Variants in COL24A1 observed in about 807,000 individuals in gnomAD.
COL24A1 encodes the protein collagen type XXIV alpha 1 chain, also known as collagen alpha-1(XXIV) chain.
COL24A1 carries 224 observed loss-of-function variants against 253.9 expected under a neutral mutation model. The observed-to-expected ratio is 0.88, with a 90% CI of 0.79 to 0.99. The LOEUF (loss-of-function observed/expected upper bound fraction) is 0.99. Ranked by LOEUF, COL24A1 falls within the 50% of genes least tolerant of loss-of-function variation. The probability of loss-of-function intolerance (pLI) is 0.00; values close to 1 mark genes in which losing one functional copy is unlikely to be tolerated. For missense variants in COL24A1, 2,131 were observed against 2,068.5 expected (o/e 1.03, Z -0.59); for synonymous variants, 685 against 673.7 (o/e 1.02, Z -0.26).
rs184513433 is a variant in COL24A1, at chr1:85,775,719, A to T, written c.4339-10T>A. On this transcript the variant is annotated splice_polypyrimidine_tract_variant and intron_variant, in intron 52 of 59. Transcript: ENST00000370571. The stretch of plus-strand genomic sequence containing the variant: ...TTTCACCTCTGGGTCCCTAAAAGAA[A>T]AAAAAAAGATGTTAGTTCATTGTTA... 4 of 1,600,922 alleles carry T rather than the reference A, an allele frequency of 2.5e-6. No individual in the cohort carries two copies. The East Asian group carries it at 6.7e-5, about 27-fold the overall frequency.
chr1:86,036,627 G>C (rs563488273), intron 12 of COL24A1, among the ~76,000 whole-genome samples: 37 of 152,190 alleles, frequency 2.4e-4, no homozygotes, highest in African/African-American at 6.5e-4. Flanking sequence ...TAATACAGGT[G>C]AGGTTCTATA....
At chr1:85,775,939 C>G (rs996915895) in intron 52 of COL24A1, among the ~76,000 whole-genome samples, 3 of 152,126 alleles carry the variant, frequency 2.0e-5, no homozygotes, top group Non-Finnish European at 2.9e-5. Flanking sequence ...CTAGTTCTAA[C>G]CTTAAGGTGA....
intron 59 of COL24A1, among the ~76,000 whole-genome samples, chr1:85,733,630 A>C (rs944052833): frequency 6.6e-6 from 1 of 150,874 alleles, no homozygotes; most frequent in Non-Finnish European, 1.5e-5. Flanking sequence ...CCCAGGCTGG[A>C]GTGCAGTGGC....
chr1:86,016,067 G>A (rs1696963534), intron 19 of COL24A1, among the ~76,000 whole-genome samples: 1 of 151,014 alleles, frequency 6.6e-6, no homozygotes, highest in Non-Finnish European at 1.5e-5. Flanking sequence ...TAGCAACAGG[G>A]TCTCACTATG....
chr1:85,894,416 T>C (rs1318645954), intron 31 of COL24A1, among the ~76,000 whole-genome samples: 21 of 152,188 alleles, frequency 1.4e-4, no homozygotes, highest in Admixed American at 1.3e-3. Flanking sequence ...TATACAGGCA[T>C]ACATTGATGG....
At chr1:85,756,816 T>C (rs191600982) in intron 55 of COL24A1, among the ~76,000 whole-genome samples, 106 of 152,358 alleles carry the variant, frequency 7.0e-4, no homozygotes, top group Admixed American at 2.2e-3. Flanking sequence ...GCAACGTAAG[T>C]GTCCATTTGG....
chr1:86,116,158 T>A (rs1434401540), intron 3 of COL24A1, among the ~76,000 whole-genome samples: 1 of 147,704 alleles, frequency 6.8e-6, no homozygotes, highest in Non-Finnish European at 1.5e-5. Context: ...TTCATTCATC[T>A]GTTCATTCAT....
At chr1:85,767,043 G>T (rs1316646037) in intron 53 of COL24A1, among the ~76,000 whole-genome samples, 3 of 151,958 alleles carry the variant, frequency 2.0e-5, no homozygotes, top group African/African-American at 7.3e-5. Flanking sequence ...GGTGGAGCTT[G>T]CAGTGAGCCA....
At chr1:86,018,917 G>GT (rs1697240750) in intron 18 of COL24A1, among the ~76,000 whole-genome samples, 1 of 152,010 alleles carries the variant, frequency 6.6e-6, no homozygotes, top group Non-Finnish European at 1.5e-5. Context: ...TTCAAGAACT[G>GT]TAACAACTTT....
chr1:86,006,967 T>A (rs1017575277), intron 19 of COL24A1, among the ~76,000 whole-genome samples: 4 of 152,124 alleles, frequency 2.6e-5, no homozygotes, highest in Admixed American at 6.5e-5. Flanking sequence ...ATCCCAGCAC[T>A]TTGGGAGGCC....
chr1:86,006,438 G>A (rs910598435), intron 19 of COL24A1, among the ~76,000 whole-genome samples: 13 of 152,290 alleles, frequency 8.5e-5, no homozygotes, highest in African/African-American at 2.9e-4. Flanking sequence ...AAACGGTGCT[G>A]AAATAACTGG....
intron 19 of COL24A1, among the ~76,000 whole-genome samples, chr1:85,991,088 A>G (rs1251580329): frequency 6.6e-6 from 1 of 152,244 alleles, no homozygotes; most frequent in Non-Finnish European, 1.5e-5. Flanking sequence ...ACCAGACATT[A>G]TGTGCTTCCT....
intron 24 of COL24A1, among the ~76,000 whole-genome samples, chr1:85,957,712 C>T (rs1373616920): frequency 6.6e-6 from 1 of 152,170 alleles, no homozygotes; most frequent in Non-Finnish European, 1.5e-5. Flanking sequence ...ACAGAAGCAT[C>T]CTCATTGGTT....
chr1:85,778,191 C>T (rs938178453), intron 52 of COL24A1, among the ~76,000 whole-genome samples: 1 of 151,986 alleles, frequency 6.6e-6, no homozygotes, highest in Non-Finnish European at 1.5e-5. Context: ...ATAGCCTCAA[C>T]TTCCTCAGAT....
chr1:85,818,506 A>G (rs1377124457), intron 45 of COL24A1, among the ~76,000 whole-genome samples: 1 of 152,192 alleles, frequency 6.6e-6, no homozygotes, highest in Non-Finnish European at 1.5e-5. Flanking sequence ...CCTCCTTACA[A>G]GGCACTTACA....
rs1427017092 is a variant in COL24A1, at chr1:86,148,344, C to A, written c.57-2161G>T. On this transcript the variant is annotated intron_variant, in intron 1 of 59. Transcript: ENST00000370571. ...GAATTACAGGCGCCTGCCACCACACCCGGCTAATTTTTTTTTTATTATACT... is the reference window on the plus strand; with the variant it reads ...GAATTACAGGCGCCTGCCACCACACACGGCTAATTTTTTTTTTATTATACT... Among the ~76,000 whole-genome samples, 4 of 151,952 alleles carry A rather than the reference C, an allele frequency of 2.6e-5. No homozygotes were observed. In the East Asian group the frequency reaches 7.9e-4, roughly 30 times the overall value.
chr1:85,833,873 A>G (rs891302106), intron 43 of COL24A1, among the ~76,000 whole-genome samples: 1 of 150,548 alleles, frequency 6.6e-6, no homozygotes, highest in African/African-American at 2.4e-5. Flanking sequence ...AGGACAAAAA[A>G]CCAAACACTG....
chr1:85,759,893 A>G (rs1666663440), intron 55 of COL24A1, among the ~76,000 whole-genome samples: 1 of 152,156 alleles, frequency 6.6e-6, no homozygotes, highest in Non-Finnish European at 1.5e-5. Flanking sequence ...ATCCTTTAGA[A>G]CTTGAACTTG....
intron 37 of COL24A1, among the ~76,000 whole-genome samples, chr1:85,852,045 T>C (rs896909659): frequency 6.6e-6 from 1 of 152,244 alleles, no homozygotes; most frequent in Admixed American, 6.5e-5. Context: ...TTTTAAGATT[T>C]TGATTTTAAC....
Sources: allele counts gnomAD v4.1 joint callset (sites outside exome capture counted in the v4.1 genomes callset), GRCh38; gene constraint gnomAD v4.1.1; transcripts MANE v1.5; gene names NCBI Gene and HGNC (gene_info 2026-07-23, HGNC 2026-07-21).